The following RNF126 variants were observed in gnomAD, a reference collection of about 807,000 sequenced individuals.
RNF126 encodes the protein ring finger protein 126, also known as E3 ubiquitin-protein ligase RNF126.
RNF126 carries 20 observed loss-of-function variants against 41.9 expected under a neutral mutation model. That is an observed-to-expected ratio of 0.48 (90% CI 0.34 to 0.69). The LOEUF is 0.69. RNF126 is among the 30% of genes least tolerant of loss of function. RNF126 has a pLI of 0.01. For missense variants in RNF126, 433 were observed against 460.6 expected (o/e 0.94, Z 0.55); for synonymous variants, 239 against 202.9 (o/e 1.18, Z -1.51).
chr19:650,552 G>C, intron 4 of RNF126: 1 of 357,464 alleles, frequency 2.8e-6, no homozygotes, highest in Non-Finnish European at 5.0e-6. Context: ...CAAGTAGCTG[G>C]GACCACAGAA....
intron 1 of RNF126, among the ~76,000 whole-genome samples, chr19:660,335 G>A (rs920351718): frequency 6.6e-6 from 1 of 152,250 alleles, no homozygotes; most frequent in African/African-American, 2.4e-5. Flanking sequence ...CCAGAGCCCA[G>A]GACAGCAAAG....
At chr19:662,081 G>A (rs1600645781) in intron 1 of RNF126, among the ~76,000 whole-genome samples, 2 of 152,208 alleles carry the variant, frequency 1.3e-5, no homozygotes, top group Admixed American at 1.3e-4. Flanking sequence ...CGTTTTGGGA[G>A]GCTGAGCCAG....
intron 6 of RNF126, chr19:649,475 A>G (rs1482617413): frequency 3.4e-6 from 2 of 580,906 alleles, no homozygotes; most frequent in African/African-American, 3.8e-5. Flanking sequence ...GCGTGAACAC[A>G]GGAGAACCCC....
Position 647,909 on chromosome 19 carries a change from G to T in RNF126, c.*219C>A. 1.6e-6 allele frequency: 1 copy of T among 636,188 alleles called. No individual in the cohort carries two copies. 39.4% of individuals were successfully genotyped at this position (636,188 alleles called of 1,614,324 possible). Reference sequence around the variant, plus strand: ...AGAGGGTGAGGTTAGACAGAGGACGGGGAGGCTGGGGACGCCCCAGAGGGG... The same window carrying T: ...AGAGGGTGAGGTTAGACAGAGGACGTGGAGGCTGGGGACGCCCCAGAGGGG... On this transcript the variant is annotated 3_prime_UTR_variant, in exon 9 of 9. Coordinates refer to ENST00000292363, the MANE Select transcript of RNF126 (RefSeq NM_194460.3).
rs971309456 is a variant in RNF126 at position 648,005 on chromosome 19, G to A, written c.*123C>T. ...GCCCGGGTCCTGCCCTGGAACAGGC[G>A]GGACCTGCAGCGCTGACCAGCCAAG... On this transcript the variant is annotated 3_prime_UTR_variant, in exon 9 of 9. Coordinates refer to ENST00000292363, the MANE Select transcript of RNF126 (RefSeq NM_194460.3). The A allele has an allele frequency of 9.1e-5, 108 of 1,193,214 alleles. No homozygotes were observed. The highest frequency in any genetic ancestry group is 6.5e-4 in the East Asian group (25 of 38,690). 73.9% of individuals were successfully genotyped at this position (1,193,214 alleles called of 1,614,324 possible).
intron 2 of RNF126, chr19:652,500 G>C (rs1446712639): frequency 2.0e-5 from 12 of 600,166 alleles, no homozygotes; most frequent in Non-Finnish European, 2.9e-5. Context: ...AACCGGTGCA[G>C]ACCCCAACAG....
At chr19:651,018 C>T (rs915876150) in intron 4 of RNF126, among the ~76,000 whole-genome samples, 12 of 152,160 alleles carry the variant, frequency 7.9e-5, no homozygotes, top group African/African-American at 1.9e-4. Context: ...ACTGAGCCAC[C>T]GTGCCTGGCA....
Position 648,088 on chromosome 19 carries a change from G to C in RNF126, c.*40C>G. ...GCCGTGTGGCGCTGGCTGAGGGTGGGTGGGAAAGGCCCCGTGCTTTCCCGA... is the reference window on the plus strand; with the variant it reads ...GCCGTGTGGCGCTGGCTGAGGGTGGCTGGGAAAGGCCCCGTGCTTTCCCGA... On this transcript the variant is annotated 3_prime_UTR_variant, in exon 9 of 9. Coordinates refer to ENST00000292363, the MANE Select transcript of RNF126 (RefSeq NM_194460.3). 6.6e-7 allele frequency: 1 copy of C among 1,520,186 alleles called. No individual in the cohort carries two copies. The highest frequency in any genetic ancestry group is 8.8e-7 in the Non-Finnish European group (1 of 1,132,422). 94.2% of individuals were successfully genotyped at this position (1,520,186 alleles called of 1,614,324 possible). A position where few individuals can be genotyped will look rare whatever the true frequency, so the allele number is the denominator to read the frequency against.
Position 648,362 on chromosome 19 carries a change from G to GCCC in RNF126, c.786+9_786+10insGGG. 1.5e-6 allele frequency: 1 copy of GCCC among 680,472 alleles called. No homozygotes were observed. The allele number at this position is 680,472 out of a possible 1,614,324, so 42.2% of individuals were successfully genotyped here. A position where few individuals can be genotyped will look rare whatever the true frequency, so the allele number is the denominator to read the frequency against. ...GTCGGGGTGGGGGGGCGGGTGGGCG[G>GCCC]GGCACTCACCTGCTCCAGCCAGGGC... On this transcript the variant is annotated intron_variant, in intron 8 of 8. Transcript: ENST00000292363.
At chr19:660,230 G>A (rs959161144) in intron 1 of RNF126, among the ~76,000 whole-genome samples, 9 of 152,370 alleles carry the variant, frequency 5.9e-5, no homozygotes, top group South Asian at 2.1e-4. Context: ...CACGGGGAGC[G>A]AATCGCATCA....
intron 2 of RNF126, 153 bp downstream of exon 2, chr19:652,673 G>T: frequency 1.4e-6 from 1 of 696,686 alleles, no homozygotes; most frequent in Non-Finnish European, 2.5e-6. Context: ...ACGGCACGCT[G>T]CTGTCTGCAC....
chr19:662,455 C>T (rs2030845958), intron 1 of RNF126, among the ~76,000 whole-genome samples: 1 of 152,162 alleles, frequency 6.6e-6, no homozygotes, highest in South Asian at 2.1e-4. Context: ...CGCCGGCGGG[C>T]CGCGGTCGGA....
In RNF126 at chr19:648,154, T is replaced by C; in HGVS notation, c.910A>G (p.Asn304Asp). Reference sequence around the variant, plus strand: ...CACGAGTTGCTTGTGGCGTTCTCGTTGCTGGGCGAGCTGGAGGAGGACGAT... The same window carrying C: ...CACGAGTTGCTTGTGGCGTTCTCGTCGCTGGGCGAGCTGGAGGAGGACGAT... ...SSSSSSSSPSNENATSNS is the reference protein window; with the variant it reads ...SSSSSSSSPSDENATSNS Residue 304 changes from asparagine to aspartate, a missense_variant, in exon 9 of 9, where the codon AAC (asparagine) becomes GAC (aspartate). By Grantham distance (23) the Asn-to-Asp change is conservative. Around this residue, in one of 5 missense-constraint regions of RNF126, gnomAD observed 63 missense variants for 47.9 expected, o/e 1.32. Transcript: ENST00000292363. 3 of 1,600,388 alleles carry C rather than the reference T, an allele frequency of 1.9e-6. No homozygotes were observed. Among genetic ancestry groups the C allele is most frequent in the Non-Finnish European group, 2.6e-6 (3 of 1,171,362 alleles).
intron 4 of RNF126, among the ~76,000 whole-genome samples, chr19:650,945 TCTTA>T (rs1001104172): frequency 4.6e-5 from 7 of 152,080 alleles, no homozygotes; most frequent in African/African-American, 1.7e-4. Context: ...CTCAGGCTGG[TCTTA>T]AACTCCTGTC....
chr19:652,164 G>C, intron 3 of RNF126, 69 bp downstream of exon 3: 3 of 1,289,194 alleles, frequency 2.3e-6, no homozygotes, highest in Non-Finnish European at 3.1e-6. Flanking sequence ...GCGAGGTGGG[G>C]ACAGGCTGGC....
intron 1 of RNF126, among the ~76,000 whole-genome samples, chr19:653,706 G>A (rs1358163768): frequency 6.6e-6 from 1 of 152,128 alleles, no homozygotes; most frequent in Admixed American, 6.5e-5. Flanking sequence ...CAGGGGCTGG[G>A]CAGATGCCGA....
At chr19:652,488 T>TA in intron 2 of RNF126, 192 bp from the exon 3 acceptor site, 1 of 610,148 alleles carries the variant, frequency 1.6e-6, no homozygotes, top group Non-Finnish European at 2.8e-6. Flanking sequence ...GGTTTCTCGA[T>TA]AAACCGGTGC....
chr19:651,502 A>C, intron 4 of RNF126, 109 bp downstream of exon 4: 2 of 1,161,402 alleles, frequency 1.7e-6, no homozygotes, highest in Non-Finnish European at 2.2e-6. Flanking sequence ...CTCTCCAGAG[A>C]GCCTATGGAT....
At position 663,047 on chromosome 19, in the gene RNF126, C is replaced by T. The variant is rs1239433501; in HGVS notation, c.75G>A (p.Pro25=). ...CCCGCCGCCCCGGCCCGGGCCTCAC[C>T]GGCAGGCGCGGGACGATCTCCACGG... is the stretch of plus-strand genomic sequence containing the variant. ...CCSVEIVPRL[P]DYICPRCESG... is the part of the protein sequence containing the mutation. Residue 25 remains proline (P), a splice_region_variant and synonymous_variant, in exon 1 of 9, where the codon CCG becomes CCA. Transcript: ENST00000292363. 2.9e-6 allele frequency: 4 copies of T among 1,366,846 alleles called. No individual in the cohort carries two copies. The highest frequency in any genetic ancestry group is 3.3e-5 in the East Asian group (1 of 30,478). 84.7% of individuals were successfully genotyped at this position (1,366,846 alleles called of 1,614,324 possible). A position where few individuals can be genotyped will look rare whatever the true frequency, so the allele number is the denominator to read the frequency against.
Sources: allele counts gnomAD v4.1 joint callset (sites outside exome capture counted in the v4.1 genomes callset), GRCh38; gene constraint gnomAD v4.1.1; regional missense constraint gnomAD v4.1.1; transcripts MANE v1.5; gene names NCBI Gene and HGNC (gene_info 2026-07-23, HGNC 2026-07-21).